SCARA5: variants seen among roughly 807,000 people sequenced by gnomAD.
The protein encoded by SCARA5 is scavenger receptor class A member 5.
In SCARA5, 45 loss-of-function variants were observed where a neutral mutation model predicts 46.3. That is an observed-to-expected ratio of 0.97 (90% CI 0.76 to 1.24). SCARA5 has a LOEUF of 1.24. SCARA5 is among the 50% of genes most tolerant of loss of function. SCARA5 has a pLI of 0.00. For missense variants in SCARA5, 680 were observed against 689.0 expected (o/e 0.99, Z 0.15); for synonymous variants, 333 against 306.5 (o/e 1.09, Z -0.90).
intron 3 of SCARA5, among the ~76,000 whole-genome samples, chr8:27,926,329 C>G (rs1229749425): frequency 1.3e-5 from 2 of 152,100 alleles, no homozygotes; most frequent in East Asian, 3.9e-4. Flanking sequence ...CCATCATTCT[C>G]AGCAAACTAT....
At chr8:27,940,396 C>T (rs1807924281) in intron 3 of SCARA5, among the ~76,000 whole-genome samples, 1 of 152,124 alleles carries the variant, frequency 6.6e-6, no homozygotes, top group Non-Finnish European at 1.5e-5. Context: ...AGATCGTGGA[C>T]ACTTTGAGCC....
intron 4 of SCARA5, among the ~76,000 whole-genome samples, chr8:27,913,842 C>T (rs1045661603): frequency 1.3e-5 from 2 of 152,216 alleles, no homozygotes; most frequent in African/African-American, 2.4e-5. Context: ...ACTTACAGCT[C>T]GGTGCTCATG....
chr8:27,896,577 C>T lies in SCARA5; in HGVS notation c.1153+8201G>A, dbSNP rs78465937. 1.4e-3 allele frequency among the ~76,000 whole-genome samples: 209 copies of T among 152,142 alleles called. 1 individual carries two copies. Among genetic ancestry groups the T allele is most frequent in the African/African-American group, 4.6e-3 (192 of 41,492 alleles). Reference sequence around the variant, plus strand: ...CTGAAACATGCAGGAGCTCAGTGACCGGGGTGGTTGCCTCTCAATAGTGTT... The same window carrying T: ...CTGAAACATGCAGGAGCTCAGTGACTGGGGTGGTTGCCTCTCAATAGTGTT... On this transcript the variant is annotated intron_variant, in intron 7 of 8. Transcript: ENST00000354914.
Position 27,943,864 on chromosome 8 carries a change from A to G in SCARA5, c.242-21619T>C, listed in dbSNP as rs139627628. ...AATCAGTGTATTTACACAGCCTCAG[A>G]GTGTCTCCCCACAGATCACTTCTTA... On this transcript the variant is annotated intron_variant, in intron 3 of 8. Coordinates refer to ENST00000354914, the MANE Select transcript of SCARA5 (RefSeq NM_173833.6). 2.0e-3 allele frequency among the ~76,000 whole-genome samples: 298 copies of G among 152,332 alleles called. 1 individual carries two copies. The highest frequency in any genetic ancestry group is 3.4e-3 in the Middle Eastern group (1 of 294).
At chr8:27,892,028 C>A (rs1009956124) in intron 7 of SCARA5, among the ~76,000 whole-genome samples, 1 of 152,212 alleles carries the variant, frequency 6.6e-6, no homozygotes, top group African/African-American at 2.4e-5. Flanking sequence ...TGGGAAAGAC[C>A]GTGAATCATT....
At chr8:27,933,037 G>C (rs1429712240) in intron 3 of SCARA5, among the ~76,000 whole-genome samples, 1 of 152,196 alleles carries the variant, frequency 6.6e-6, no homozygotes, top group Non-Finnish European at 1.5e-5. Context: ...TCCAAATACA[G>C]TCACATTGGG....
At chr8:27,923,595 G>A (rs113960298) in intron 3 of SCARA5, among the ~76,000 whole-genome samples, 60 of 152,258 alleles carry the variant, frequency 3.9e-4, no homozygotes, top group Middle Eastern at 6.8e-3. Context: ...TTTTGAGACA[G>A]AGTCTCACTC....
intron 7 of SCARA5, among the ~76,000 whole-genome samples, chr8:27,881,120 T>C (rs1002046259): frequency 4.6e-5 from 7 of 152,312 alleles, no homozygotes; most frequent in Middle Eastern, 3.4e-3. Flanking sequence ...TCAGCCACTG[T>C]GGAAAGCAGT....
chr8:27,972,910 CA>C (rs1361029844), intron 2 of SCARA5, among the ~76,000 whole-genome samples: 1 of 152,088 alleles, frequency 6.6e-6, no homozygotes, highest in Non-Finnish European at 1.5e-5. Flanking sequence ...AATTAAGTAC[CA>C]CTGAAAGAAC....
chr8:27,926,428 C>T, intron 3 of SCARA5, among the ~76,000 whole-genome samples: 1 of 151,734 alleles, frequency 6.6e-6, no homozygotes, highest in Non-Finnish European at 1.5e-5. Flanking sequence ...CAGGGAACAT[C>T]ACACACCGGG....
chr8:27,945,538 C>T (rs960889846), intron 3 of SCARA5, among the ~76,000 whole-genome samples: 4 of 152,132 alleles, frequency 2.6e-5, no homozygotes, highest in African/African-American at 4.8e-5. Context: ...ACATGTCATC[C>T]GGGATTTAAC....
rs77706839 is a variant in SCARA5 at position 27,895,689 on chromosome 8, A to C, written c.1153+9089T>G. 1.4e-3 allele frequency among the ~76,000 whole-genome samples: 214 copies of C among 152,310 alleles called. 3 individuals carry two copies. In the East Asian group the frequency reaches 0.04, roughly 28 times the overall value. ...ACGCCAGGACCACACCTGGGTTTCC[A>C]AAGTGCTGTGTCTCCACTTAGGGGT... On this transcript the variant is annotated intron_variant, in intron 7 of 8. Transcript: ENST00000354914.
In SCARA5 at chr8:27,978,261, C is replaced by T. The variant is rs147672785; in HGVS notation, c.112+9243G>A. On this transcript the variant is annotated intron_variant, in intron 2 of 8. Coordinates refer to ENST00000354914, the MANE Select transcript of SCARA5 (RefSeq NM_173833.6). ...GGCCAGGTTGGTTTCGAACTCCTGA[C>T]CTCAGGTGATCTGCCCACCTTGGCC... Among the ~76,000 whole-genome samples, 281 of 151,228 alleles carry T rather than the reference C, an allele frequency of 1.9e-3. 5 individuals carry two copies. Among genetic ancestry groups the T allele is most frequent in the East Asian group, 0.011 (54 of 5,134 alleles).
chr8:27,982,227 C>T (rs765784361), intron 2 of SCARA5, among the ~76,000 whole-genome samples: 27 of 152,040 alleles, frequency 1.8e-4, no homozygotes, highest in Non-Finnish European at 2.1e-4. Context: ...GACACTAACA[C>T]CTCTCTCTGG....
Position 27,892,656 on chromosome 8 carries a change from C to CTGGA in SCARA5, c.1153+12118_1153+12121dup, listed in dbSNP as rs140280733. Among the ~76,000 whole-genome samples the CTGGA allele has an allele frequency of 0.012, 1,751 of 140,346 alleles. 91 individuals carry two copies. In the East Asian group the frequency reaches 0.14, roughly 11 times the overall value. 92.1% of individuals were successfully genotyped at this position (140,346 alleles called of 152,430 possible). A position where few individuals can be genotyped will look rare whatever the true frequency, so the allele number is the denominator to read the frequency against. ...ACGGAGTCAAGCTCTGTTGCCCAGG[C>CTGGA]TGGAGTGCAGTGGTGCGATCTTGGC... On this transcript the variant is annotated intron_variant, in intron 7 of 8. Coordinates refer to ENST00000354914, the MANE Select transcript of SCARA5 (RefSeq NM_173833.6).
At chr8:27,962,030 GGCAATTC>G (rs1808301022) in intron 3 of SCARA5, among the ~76,000 whole-genome samples, 2 of 152,124 alleles carry the variant, frequency 1.3e-5, no homozygotes, top group African/African-American at 4.8e-5. Context: ...AAAGAATTAA[GGCAATTC>G]ACAAGGATAC....
In SCARA5 at chr8:27,922,058, C is replaced by G. The variant is rs746922355; in HGVS notation, c.429G>C (p.Ala143=). 2 of 1,588,068 alleles carry G rather than the reference C, an allele frequency of 1.3e-6. No homozygotes were observed. The highest frequency in any genetic ancestry group is 2.3e-5 in the South Asian group (2 of 88,100). Residue 143 remains alanine, a synonymous_variant, in exon 4 of 9, where the codon GCG becomes GCC. Coordinates refer to ENST00000354914, the MANE Select transcript of SCARA5 (RefSeq NM_173833.6). The part of the protein sequence containing the change: ...QNQSDSLLAL[A]GAVQRLEGAL... The stretch of plus-strand genomic sequence containing the variant: ...CGCCCTCCAGCCGCTGCACTGCGCC[C>G]GCCAGCGCCAGCAACGAGTCTGACT...
intron 8 of SCARA5, among the ~76,000 whole-genome samples, chr8:27,876,194 C>CAAA: frequency 6.6e-6 from 1 of 152,278 alleles, no homozygotes; most frequent in African/African-American, 2.4e-5. Flanking sequence ...CCAAGATCTC[C>CAAA]TTTAGCATTT....
chr8:27,928,520 T>G (rs1346675165), intron 3 of SCARA5, among the ~76,000 whole-genome samples: 1 of 152,208 alleles, frequency 6.6e-6, no homozygotes, highest in African/African-American at 2.4e-5. Flanking sequence ...CAAGGTCTCA[T>G]GGACAGTATA....
Sources: allele counts gnomAD v4.1 joint callset (sites outside exome capture counted in the v4.1 genomes callset), GRCh38; gene constraint gnomAD v4.1.1; transcripts MANE v1.5; gene names NCBI Gene and HGNC (gene_info 2026-07-23, HGNC 2026-07-21).